PCGF3: variants seen among roughly 807,000 people sequenced by gnomAD.
PCGF3 encodes polycomb group RING finger protein 3.
PCGF3 carries 7 observed loss-of-function variants against 33.1 expected under a neutral mutation model. The observed-to-expected ratio is 0.21, with a 90% confidence interval of 0.12 to 0.40. The LOEUF is 0.40. Ranked by LOEUF, PCGF3 falls within the 10% of genes least tolerant of loss-of-function variation. The pLI, the probability that PCGF3 is intolerant of heterozygous loss-of-function variation, is 1.00. For synonymous variants in PCGF3, 153 were observed against 121.3 expected (o/e 1.26, Z -1.72); for missense variants, 211 against 313.3 (o/e 0.67, Z 2.46).
At chr4:743,509 T>TTGGGCA in exon 7 of PCGF3, 2 of 1,613,566 alleles carry the variant, frequency 1.2e-6, no homozygotes, top group Non-Finnish European at 1.7e-6. Flanking sequence ...CTATCACAAA[T>TTGGGCA]TGGGCATGGA....
exon 8 of PCGF3, chr4:744,664 C>A (rs1488649484): frequency 6.4e-7 from 1 of 1,557,900 alleles, no homozygotes; most frequent in Non-Finnish European, 8.7e-7. Flanking sequence ...AGGAGGACAA[C>A]GACTACCACC....
intron 3 of PCGF3, among the ~76,000 whole-genome samples, chr4:732,204 C>T (rs1743601393): frequency 1.4e-5 from 2 of 145,194 alleles, no homozygotes; most frequent in African/African-American, 2.6e-5. Context: ...CCCCTCCCCT[C>T]GTGGGTGGGC....
At chr4:724,588 A>C (rs1042041557) in intron 1 of PCGF3, among the ~76,000 whole-genome samples, 34 of 152,224 alleles carry the variant, frequency 2.2e-4, no homozygotes, top group Non-Finnish European at 3.8e-4. Flanking sequence ...GCACTTTGGG[A>C]GGCCTAGGTG....
intron 1 of PCGF3, among the ~76,000 whole-genome samples, chr4:708,978 T>C (rs55948606): frequency 0.35 from 53,766 of 152,122 alleles, 9,820 homozygotes; most frequent in South Asian, 0.48. Flanking sequence ...ATCAGCCTTT[T>C]ATCAAAAACT....
chr4:712,092 A>G (rs531376688), intron 1 of PCGF3, among the ~76,000 whole-genome samples: 2 of 152,338 alleles, frequency 1.3e-5, no homozygotes, highest in African/African-American at 4.8e-5. Flanking sequence ...TAGCAAAAAT[A>G]TGGTACAATT....
Position 720,824 on chromosome 4 carries a change from C to G in PCGF3, c.-189-9806C>G, listed in dbSNP as rs1743048567. On this transcript the variant is annotated intron_variant, in intron 1 of 10. Coordinates refer to ENST00000362003, the Ensembl canonical transcript of PCGF3. The surrounding 1 kb of genome is among the most constrained non-coding windows in gnomAD (Gnocchi z 5.6). ...GGGAAGCAGAGGGTGAGGCTCGGCT[C>G]TGCTGTCAGGAGGACATGTCAGACT... Among the ~76,000 whole-genome samples the G allele has an allele frequency of 6.6e-6, 1 of 152,172 alleles. No individual in the cohort carries two copies. The highest frequency in any genetic ancestry group is 2.1e-4 in the South Asian group (1 of 4,824).
chr4:706,300 GACCC>G (rs1742298096), intron 1 of PCGF3, among the ~76,000 whole-genome samples: 2 of 148,960 alleles, frequency 1.3e-5, no homozygotes, highest in African/African-American at 5.0e-5. Flanking sequence ...GGAGGTCGAA[GACCC>G]CAGCCCAGGC....
chr4:729,508 T>A (rs1385915137), intron 1 of PCGF3, among the ~76,000 whole-genome samples: 2 of 152,214 alleles, frequency 1.3e-5, no homozygotes, highest in Non-Finnish European at 2.9e-5. Flanking sequence ...GGTCAGCAGC[T>A]GTGCTGTTGG....
rs4077049 is a variant in PCGF3 at position 724,811 on chromosome 4, A to C, written c.-189-5819A>C. On this transcript the variant is annotated intron_variant, in intron 1 of 10. Transcript: ENST00000362003. The stretch of plus-strand genomic sequence containing the variant: ...AGATTCCGTCTCACACACACACACA[A>C]AAAATTAGTTGGGTGTGGTGGTGCA... Among the ~76,000 whole-genome samples the C allele has an allele frequency of 4.0e-3, 614 of 152,130 alleles. 1 individual carries two copies. The highest frequency in any genetic ancestry group is 6.0e-3 in the Admixed American group (92 of 15,284).
chr4:766,317 CG>C, exon 11 of PCGF3: 1 of 459,848 alleles, frequency 2.2e-6, no homozygotes, highest in Non-Finnish European at 3.9e-6. Context: ...CGCCCCACCC[CG>C]TGCTTCAGCC....
exon 11 of PCGF3, chr4:766,856 G>A (rs538526952): frequency 3.3e-4 from 50 of 152,330 alleles, no homozygotes; most frequent in Admixed American, 2.5e-3. Flanking sequence ...GCTGGTTTAC[G>A]GAACAACTCT....
At position 758,626 on chromosome 4, in the gene PCGF3, C is replaced by T. The variant is rs1212388257; in HGVS notation, c.463-2653C>T. Among the ~76,000 whole-genome samples the T allele has an allele frequency of 3.8e-5, 5 of 131,240 alleles. No individual in the cohort carries two copies. The East Asian group carries it at 9.1e-4, about 24-fold the overall frequency. 86.1% of individuals were successfully genotyped at this position (131,240 alleles called of 152,430 possible). On this transcript the variant is annotated intron_variant, in intron 8 of 10. Coordinates refer to ENST00000362003, the Ensembl canonical transcript of PCGF3. ...CATCCCGACTCCAGTTCTTTCTCCC[C>T]GCGCGGCCCCTCTCCCGAGTTCTTC...
chr4:763,191 C>A (rs149119532), intron 9 of PCGF3, among the ~76,000 whole-genome samples: 8 of 152,104 alleles, frequency 5.3e-5, no homozygotes, highest in African/African-American at 1.4e-4. Context: ...AAGTTTCTAT[C>A]GTTTTGTTTG....
At chr4:710,109 A>T (rs1183687445) in intron 1 of PCGF3, among the ~76,000 whole-genome samples, 4 of 152,148 alleles carry the variant, frequency 2.6e-5, no homozygotes, top group African/African-American at 9.7e-5. Context: ...GTGGCAGATT[A>T]CCCCAGAACC....
At chr4:737,753 C>T (rs1460555183) in intron 6 of PCGF3, among the ~76,000 whole-genome samples, 2 of 152,182 alleles carry the variant, frequency 1.3e-5, no homozygotes, top group South Asian at 4.1e-4. Flanking sequence ...AAGTATGGAT[C>T]GCATGTTTAG....
Position 720,579 on chromosome 4 carries a change from C to T in PCGF3, c.-189-10051C>T, listed in dbSNP as rs1276810143. On this transcript the variant is annotated intron_variant, in intron 1 of 10. Transcript: ENST00000362003. This position sits in a 1 kb window ranked among gnomAD's most constrained non-coding sequence, Gnocchi z 5.6. Reference sequence around the variant, plus strand: ...CAGCCCCGACGTGAACAGGACCCCACGTGGACGGGCAGTGACGTGCGTGTG... The same window carrying T: ...CAGCCCCGACGTGAACAGGACCCCATGTGGACGGGCAGTGACGTGCGTGTG... Among the ~76,000 whole-genome samples, 2 of 147,980 alleles carry T rather than the reference C, an allele frequency of 1.4e-5. No individual in the cohort carries two copies.
intron 4 of PCGF3, 100 bp from the exon 5 acceptor site, chr4:734,831 A>G (rs1183690567): frequency 3.3e-6 from 5 of 1,499,586 alleles, no homozygotes; most frequent in Non-Finnish European, 2.7e-6. Flanking sequence ...GCATCTGCAC[A>G]GAAACGAGCT....
chr4:766,283 C>T, exon 11 of PCGF3: 1 of 541,850 alleles, frequency 1.8e-6, no homozygotes, highest in Non-Finnish European at 3.3e-6. Flanking sequence ...TTCACAGTCT[C>T]CCAGAGCCGA....
intron 1 of PCGF3, among the ~76,000 whole-genome samples, chr4:713,033 CCTGTGGGCCCTGTGGGGGG>C (rs1339924912): frequency 1.4e-5 from 2 of 138,226 alleles, no homozygotes; most frequent in Non-Finnish European, 3.1e-5. Flanking sequence ...GCCTGTGGGG[CCTGTGGGCCCTGTGGGGGG>C]CTGTGTACCT....
Sources: allele counts gnomAD v4.1 joint callset (sites outside exome capture counted in the v4.1 genomes callset), GRCh38; gene constraint gnomAD v4.1.1; non-coding constraint Gnocchi (gnomAD v3.1); transcripts MANE v1.5; gene names NCBI Gene and HGNC (gene_info 2026-07-23, HGNC 2026-07-21).